BNC2: variants seen among roughly 807,000 people sequenced by gnomAD.
BNC2 encodes zinc finger protein basonuclin-2.
In BNC2, 20 loss-of-function variants were observed where a neutral mutation model predicts 76.3. That is an observed-to-expected ratio of 0.26 (90% confidence interval 0.18 to 0.38). The LOEUF is 0.38. Ranked by LOEUF, BNC2 falls within the 10% of genes least tolerant of loss-of-function variation. The pLI is 1.00. For missense variants in BNC2, 1,382 were observed against 1,399.8 expected (o/e 0.99, Z 0.20); for synonymous variants, 582 against 514.8 (o/e 1.13, Z -1.77).
chr9:16,659,217 T>G (rs982870740), intron 3 of BNC2, among the ~76,000 whole-genome samples: 1 of 152,028 alleles, frequency 6.6e-6, no homozygotes, highest in Non-Finnish European at 1.5e-5. Flanking sequence ...AGTATTACAG[T>G]CAAATTCTAT....
chr9:16,832,579 C>G (rs568607039), intron 1 of BNC2, among the ~76,000 whole-genome samples: 1 of 152,290 alleles, frequency 6.6e-6, no homozygotes, highest in South Asian at 2.1e-4. Flanking sequence ...AGAATATTCT[C>G]TCAAGGGTCT....
chr9:16,479,791 G>A (rs1338270351), intron 5 of BNC2, among the ~76,000 whole-genome samples: 1 of 152,062 alleles, frequency 6.6e-6, no homozygotes, highest in Non-Finnish European at 1.5e-5. Flanking sequence ...TATGCACGTT[G>A]GGTAAAATAT....
intron 5 of BNC2, among the ~76,000 whole-genome samples, chr9:16,540,132 G>A (rs866830292): frequency 4.8e-5 from 7 of 145,988 alleles, no homozygotes; most frequent in East Asian, 4.0e-4. Flanking sequence ...TCTGACCCCC[G>A]CAACCATGCA....
At chr9:16,602,665 G>C (rs1376138376) in intron 3 of BNC2, among the ~76,000 whole-genome samples, 1 of 152,176 alleles carries the variant, frequency 6.6e-6, no homozygotes, top group African/African-American at 2.4e-5. Flanking sequence ...TGGAGACATG[G>C]ACCTTTGTCT....
At chr9:16,585,508 C>A (rs2133088702) in intron 3 of BNC2, among the ~76,000 whole-genome samples, 1 of 152,198 alleles carries the variant, frequency 6.6e-6, no homozygotes, top group South Asian at 2.1e-4. Flanking sequence ...TTTATATAGA[C>A]TACAATTTTC....
intron 1 of BNC2, among the ~76,000 whole-genome samples, chr9:16,753,032 A>T (rs994361248): frequency 1.2e-4 from 18 of 152,354 alleles, no homozygotes; most frequent in South Asian, 8.3e-4. Context: ...CAGGTCAAAT[A>T]TAACATGACA....
At chr9:16,554,737 C>A (rs528719769) in intron 4 of BNC2, among the ~76,000 whole-genome samples, 5 of 152,130 alleles carry the variant, frequency 3.3e-5, no homozygotes, top group South Asian at 4.2e-4. Context: ...GTGACCAGAT[C>A]GGGGGCGATC....
intron 5 of BNC2, among the ~76,000 whole-genome samples, chr9:16,520,824 T>C (rs1168423538): frequency 6.6e-6 from 1 of 152,216 alleles, no homozygotes; most frequent in Non-Finnish European, 1.5e-5. Context: ...TGAATGACTT[T>C]ATAAATAAGA....
chr9:16,626,711 CTT>C (rs1347574734), intron 3 of BNC2, among the ~76,000 whole-genome samples: 1 of 152,032 alleles, frequency 6.6e-6, no homozygotes, highest in Non-Finnish European at 1.5e-5. Flanking sequence ...CCTGTATTCT[CTT>C]TTCTTTCTCC....
chr9:16,428,382 G>A (rs1031013650), intron 6 of BNC2, among the ~76,000 whole-genome samples: 1 of 152,132 alleles, frequency 6.6e-6, no homozygotes, highest in Non-Finnish European at 1.5e-5. Flanking sequence ...GTGCCCAAAT[G>A]GGTCTTGTTT....
intron 1 of BNC2, among the ~76,000 whole-genome samples, chr9:16,746,034 T>C (rs959211106): frequency 6.6e-6 from 1 of 152,220 alleles, no homozygotes; most frequent in African/African-American, 2.4e-5. Context: ...CAAAAAATCT[T>C]AGGAAACAGA....
intron 3 of BNC2, among the ~76,000 whole-genome samples, chr9:16,609,663 T>A (rs1820488045): frequency 6.6e-6 from 1 of 152,126 alleles, no homozygotes; most frequent in Admixed American, 6.5e-5. Context: ...GGAGTGTGCT[T>A]TATGGAATTT....
At chr9:16,429,405 G>A (rs1820863064) in intron 6 of BNC2, 2 of 152,564 alleles carry the variant, frequency 1.3e-5, no homozygotes, top group Admixed American at 1.3e-4. Context: ...CTACAAAAAT[G>A]AGCATCTCAA....
At chr9:16,778,830 T>C (rs945822250) in intron 1 of BNC2, among the ~76,000 whole-genome samples, 1 of 151,982 alleles carries the variant, frequency 6.6e-6, no homozygotes, top group Admixed American at 6.6e-5. Flanking sequence ...TATTAAAGAA[T>C]AGGAGGGCAG....
intron 5 of BNC2, among the ~76,000 whole-genome samples, chr9:16,439,155 G>A (rs57937957): frequency 0.083 from 12,662 of 152,106 alleles, 568 homozygotes; most frequent in Middle Eastern, 0.13. Context: ...GGGCCTCCCC[G>A]GCCATGTGGA....
chr9:16,751,698 A>ATATATGTATGTGTGTG (rs1271866084), intron 1 of BNC2, among the ~76,000 whole-genome samples: 2 of 140,278 alleles, frequency 1.4e-5, no homozygotes, highest in Non-Finnish European at 3.0e-5. Flanking sequence ...GTGTGTATAT[A>ATATATGTATGTGTGTG]TATATATATG....
rs759043352 is a variant in BNC2, at chr9:16,563,456, C to CA, written c.434-10692dup. On this transcript the variant is annotated intron_variant, in intron 4 of 6. Coordinates refer to ENST00000380672, the MANE Select transcript of BNC2 (RefSeq NM_017637.6). The stretch of plus-strand genomic sequence containing the variant: ...CAACAGAGCGAAACCCTGTATCTAC[C>CA]AAAAAAAAAAATTATAAATCATTAT... Among the ~76,000 whole-genome samples the CA allele has an allele frequency of 4.4e-3, 622 of 142,708 alleles. 4 individuals carry two copies. The highest frequency in any genetic ancestry group is 7.0e-3 in the Non-Finnish European group (453 of 64,938). 93.6% of individuals were successfully genotyped at this position (142,708 alleles called of 152,430 possible). A position where few individuals can be genotyped will look rare whatever the true frequency, so the allele number is the denominator to read the frequency against.
chr9:16,557,523 C>G (rs1818873344), intron 4 of BNC2, among the ~76,000 whole-genome samples: 1 of 151,558 alleles, frequency 6.6e-6, no homozygotes, highest in Non-Finnish European at 1.5e-5. Flanking sequence ...AAAAAAAATT[C>G]ATTTCCAAAT....
intron 3 of BNC2, among the ~76,000 whole-genome samples, chr9:16,717,982 A>G (rs768715625): frequency 1.3e-5 from 2 of 152,212 alleles, no homozygotes; most frequent in Non-Finnish European, 2.9e-5. Context: ...GGATGTTTTC[A>G]ATATAATGAA....
Sources: allele counts gnomAD v4.1 joint callset (sites outside exome capture counted in the v4.1 genomes callset), GRCh38; gene constraint gnomAD v4.1.1; transcripts MANE v1.5; gene names NCBI Gene and HGNC (gene_info 2026-07-23, HGNC 2026-07-21).